The following TCERG1 variants were observed in gnomAD, a reference collection of about 807,000 sequenced individuals.
TCERG1 encodes the protein transcription elongation regulator 1.
A neutral mutation model predicts 144.7 loss-of-function variants in TCERG1; 37 were observed. The ratio of observed to expected loss-of-function variants is 0.26; its 90% confidence interval spans 0.20 to 0.34. The LOEUF (loss-of-function observed/expected upper bound fraction) is 0.34, where lower values mean the gene tolerates loss of function less well. TCERG1 is among the 10% of genes least tolerant of loss of function. TCERG1 has a pLI of 1.00. For missense variants in TCERG1, 1,027 were observed against 1,380.7 expected (o/e 0.74, Z 4.06); for synonymous variants, 492 against 458.2 (o/e 1.07, Z -0.94).
chr5:146,474,299 A>G (rs1045089337), intron 9 of TCERG1, among the ~76,000 whole-genome samples: 2 of 152,330 alleles, frequency 1.3e-5, no homozygotes, highest in South Asian at 4.1e-4. Context: ...CAAGAGAACT[A>G]GTATTAGAAA....
chr5:146,475,352 G>A (rs1382471593), intron 9 of TCERG1, among the ~76,000 whole-genome samples: 1 of 128,098 alleles, frequency 7.8e-6, no homozygotes, highest in African/African-American at 2.9e-5. Context: ...GTGTAGATCA[G>A]ATGTTTTCAA....
At position 146,455,143 on chromosome 5, in the gene TCERG1, T is replaced by A; in HGVS notation, c.147T>A (p.Pro49=). 1 of 1,614,138 alleles carries A rather than the reference T, an allele frequency of 6.2e-7. No individual in the cohort carries two copies. Among genetic ancestry groups the A allele is most frequent in the South Asian group, 1.1e-5 (1 of 91,074 alleles). ...VMRGPPPLMR[P]PPPFGMMRGP... ...GAGGCCCACCACCTCTGATGCGACC[T>A]CCTCCACCTTTTGGTATGATGCGAG... The change falls in exon 2 of 23, where the codon CCT becomes CCA. Residue 49 remains proline, a synonymous_variant. Coordinates refer to ENST00000679501, the MANE Select transcript of TCERG1 (RefSeq NM_001382548.1).
rs773328601 is a variant in TCERG1 at position 146,469,618 on chromosome 5, A to G, written c.1273A>G (p.Thr425Ala). 8.7e-6 allele frequency: 14 copies of G among 1,613,620 alleles called. No individual in the cohort carries two copies. Among genetic ancestry groups the G allele is most frequent in the East Asian group, 2.2e-5 (1 of 44,786 alleles). The change falls in exon 7 of 23, where the codon ACC (threonine) becomes GCC (alanine). Residue 425 changes from threonine to alanine, a missense_variant. Physicochemically the swap from Thr to Ala is moderately conservative, Grantham distance 58. Transcript: ENST00000679501. ...GGTTGCTATTGCAGCTTCACCTGCT[A>G]CCTTAGCTGGAGCAACAGCAGTTTC... Reference protein sequence around the residue: ...PQVAIAASPATLAGATAVSEW... With the variant: ...PQVAIAASPAALAGATAVSEW...
In TCERG1 at chr5:146,511,569, A is replaced by AAAG. The variant is rs144514366; in HGVS notation, c.*928_*930dup. On this transcript the variant is annotated 3_prime_UTR_variant, in exon 23 of 23. Transcript: ENST00000679501. ...AAGAGCTTATTTTAACCTGTTTTTAAAAGCAGCAAATAGAATTTCCCACAA... is the reference window on the plus strand; with the variant it reads ...AAGAGCTTATTTTAACCTGTTTTTAAAAGAAGCAGCAAATAGAATTTCCCACAA... 137,386 of 152,494 alleles carry AAAG rather than the reference A, an allele frequency of 0.9. 62,140 individuals are homozygous for AAAG. The highest frequency in any genetic ancestry group is 1 in the East Asian group (5,188 of 5,194). The allele number at this position is 152,494 out of a possible 1,614,324, so 9.4% of individuals were successfully genotyped here. A position where few individuals can be genotyped will look rare whatever the true frequency, so the allele number is the denominator to read the frequency against.
intron 9 of TCERG1, among the ~76,000 whole-genome samples, chr5:146,474,760 C>T (rs1180264037): frequency 6.6e-6 from 1 of 152,166 alleles, no homozygotes; most frequent in Non-Finnish European, 1.5e-5. Flanking sequence ...CCTGAAAGCT[C>T]AGATGATAGC....
rs1763064312 is a variant in TCERG1 at position 146,458,867 on chromosome 5, T to A, written c.439-17T>A. 2 of 1,581,812 alleles carry A rather than the reference T, an allele frequency of 1.3e-6. No individual in the cohort carries two copies. The highest frequency in any genetic ancestry group is 1.4e-5 in the African/African-American group (1 of 73,642). On this transcript the variant is annotated splice_polypyrimidine_tract_variant and intron_variant, in intron 3 of 22. Transcript: ENST00000679501. The stretch of plus-strand genomic sequence containing the variant: ...TGACAGATTTTATGATACCATTGAT[T>A]TTTGCTTCCGCTGCAGGTTTATTAT...
intron 19 of TCERG1, among the ~76,000 whole-genome samples, chr5:146,506,029 C>A (rs1004651748): frequency 6.6e-6 from 1 of 152,130 alleles, no homozygotes; most frequent in Non-Finnish European, 1.5e-5. Context: ...CACCCACCTC[C>A]CAAAGGGCTG....
intron 17 of TCERG1, among the ~76,000 whole-genome samples, chr5:146,502,363 A>G (rs1767560145): frequency 6.6e-6 from 1 of 152,206 alleles, no homozygotes; most frequent in Admixed American, 6.5e-5. Flanking sequence ...GGTTCTTAAT[A>G]TGGTCAGAAT....
At chr5:146,480,975 T>TAA (rs1365555896) in intron 12 of TCERG1, among the ~76,000 whole-genome samples, 175 bp from the exon 13 acceptor site, 1 of 147,808 alleles carries the variant, frequency 6.8e-6, no homozygotes, top group East Asian at 1.9e-4. Context: ...TGCTTTTTTT[T>TAA]TAAAAAAAAA....
chr5:146,491,098 G>A (rs999553055), intron 15 of TCERG1, among the ~76,000 whole-genome samples: 10 of 149,738 alleles, frequency 6.7e-5, no homozygotes, highest in Non-Finnish European at 1.5e-4. Flanking sequence ...TTCCTTAGAT[G>A]TCTTGTAGAC....
intron 14 of TCERG1, 59 bp downstream of exon 14, chr5:146,482,786 C>A: frequency 1.3e-6 from 2 of 1,494,174 alleles, no homozygotes; most frequent in South Asian, 2.8e-5. Context: ...ATAAATATGT[C>A]TTGCTAAAAG....
At chr5:146,466,030 A>AAAT (rs1763753512) in intron 5 of TCERG1, among the ~76,000 whole-genome samples, 1 of 152,018 alleles carries the variant, frequency 6.6e-6, no homozygotes, top group East Asian at 1.9e-4. Context: ...CAAAAAAAAA[A>AAAT]AAAAAAAAGA....
intron 9 of TCERG1, among the ~76,000 whole-genome samples, chr5:146,477,881 T>G (rs1474575020): frequency 6.6e-6 from 1 of 151,892 alleles, no homozygotes; most frequent in Non-Finnish European, 1.5e-5. Context: ...ATTAATATTT[T>G]TTGTAGAGAT....
chr5:146,447,591 C>T (rs1306051962), intron 1 of TCERG1, among the ~76,000 whole-genome samples, 183 bp downstream of exon 1: 2 of 152,218 alleles, frequency 1.3e-5, no homozygotes, highest in Non-Finnish European at 2.9e-5. Flanking sequence ...CGGGCCCGGG[C>T]TGGGCCAGGG....
intron 15 of TCERG1, among the ~76,000 whole-genome samples, chr5:146,484,305 G>A (rs938884626): frequency 6.6e-6 from 1 of 152,028 alleles, no homozygotes; most frequent in Non-Finnish European, 1.5e-5. Context: ...ATATCATTTC[G>A]TGATTGCCTC....
intron 15 of TCERG1, among the ~76,000 whole-genome samples, chr5:146,492,217 T>C (rs1373996567): frequency 6.6e-6 from 1 of 152,202 alleles, no homozygotes; most frequent in Non-Finnish European, 1.5e-5. Flanking sequence ...CTTGAGTTGT[T>C]TGAGGAGATT....
intron 16 of TCERG1, among the ~76,000 whole-genome samples, chr5:146,495,979 T>TC (rs1235972763): frequency 6.6e-6 from 1 of 151,900 alleles, no homozygotes; most frequent in Non-Finnish European, 1.5e-5. Flanking sequence ...ATGGTGAAAC[T>TC]CCATCTCTAC....
At chr5:146,468,980 T>C (rs904812881) in intron 6 of TCERG1, among the ~76,000 whole-genome samples, 2 of 152,068 alleles carry the variant, frequency 1.3e-5, no homozygotes, top group Non-Finnish European at 2.9e-5. Context: ...ATATAAATCT[T>C]GGTTTGTCTT....
chr5:146,500,804 C>T (rs970763596), intron 17 of TCERG1, among the ~76,000 whole-genome samples: 2 of 151,844 alleles, frequency 1.3e-5, no homozygotes, highest in African/African-American at 4.8e-5. Flanking sequence ...GAGGATTGCT[C>T]GAGACCAGCC....
Sources: gnomAD v4.1 joint callset for allele counts (sites outside exome capture counted in the v4.1 genomes callset) on GRCh38, gnomAD v4.1.1 for gene constraint, MANE v1.5 for transcripts, NCBI Gene and HGNC (gene_info 2026-07-23, HGNC 2026-07-21) for gene names.